Variants in FSIP2 observed in about 807,000 individuals in gnomAD.
The protein encoded by FSIP2 is fibrous sheath interacting protein 2, also known as fibrous sheath-interacting protein 2.
FSIP2 carries 367 observed loss-of-function variants against 510.5 expected under a neutral mutation model. The observed-to-expected ratio is 0.72, with a 90% CI of 0.66 to 0.78. The LOEUF (loss-of-function observed/expected upper bound fraction) is 0.78. FSIP2 is among the 30% of genes least tolerant of loss of function. FSIP2 has a pLI of 0.00. For synonymous variants in FSIP2, 2,601 were observed against 2,732.2 expected (o/e 0.95, Z 1.50); for missense variants, 7,594 against 7,901.7 (o/e 0.96, Z 1.48).
chr2:185,753,327 C>G (rs1692184492), intron 7 of FSIP2, among the ~76,000 whole-genome samples: 1 of 151,430 alleles, frequency 6.6e-6, no homozygotes, highest in Admixed American at 6.6e-5. Flanking sequence ...CAGAAATTCA[C>G]AAAGGGAAGT....
In FSIP2 at chr2:185,790,066, C is replaced by T. The variant is rs1459214314; in HGVS notation, c.2930C>T (p.Thr977Ile). 1.3e-6 allele frequency: 2 copies of T among 1,533,448 alleles called. No homozygotes were observed. Among genetic ancestry groups the T allele is most frequent in the Non-Finnish European group, 1.7e-6 (2 of 1,145,354 alleles). The allele number at this position is 1,533,448 out of a possible 1,614,324, so 95.0% of individuals were successfully genotyped here. A position where few individuals can be genotyped will look rare whatever the true frequency, so the allele number is the denominator to read the frequency against. The change falls in exon 16 of 23, where the codon ACT (threonine) becomes ATT (isoleucine). Residue 977 changes from threonine to isoleucine, a missense_variant. Transcript: ENST00000424728. ...AAAGAAAAGTACAGACTCACTGGCA[C>T]TAGATTATCAAATAGTCCTAGGTCT... is the stretch of plus-strand genomic sequence containing the variant. ...DTKEKYRLTG[T>I]RLSNSPRSGR...
At position 185,813,583 on chromosome 2, in the gene FSIP2, T is replaced by G. The variant is rs543836034; in HGVS notation, c.19866T>G (p.Pro6622=). 3.2e-6 allele frequency: 5 copies of G among 1,553,584 alleles called. No individual in the cohort carries two copies. The South Asian group carries it at 6.1e-5, about 19-fold the overall frequency. The change falls in exon 18 of 23, where the codon CCT becomes CCG. Residue 6622 remains proline, a synonymous_variant. Coordinates refer to ENST00000424728, the MANE Select transcript of FSIP2 (RefSeq NM_173651.4). ...ARNSFQNIRK[P]DITKVELLKD... ...ATTCATTTCAGAATATAAGAAAGCC[T>G]GATATTACAAAGGTGGAGCTCTTAA...
In FSIP2 at chr2:185,791,120, T is replaced by A. The variant is rs1227651006; in HGVS notation, c.3984T>A (p.Leu1328=). ...GGGAGATTGACCATACCAAATCCCT[T>A]ACAGATAAAGGATTTTTTGCTAATA... The part of the protein sequence containing the change: ...NLREIDHTKS[L]TDKGFFANTD... Residue 1328 remains leucine (L), a synonymous_variant, in exon 16 of 23, where the codon CTT becomes CTA. Coordinates refer to ENST00000424728, the MANE Select transcript of FSIP2 (RefSeq NM_173651.4). 8 of 1,532,284 alleles carry A rather than the reference T, an allele frequency of 5.2e-6. No homozygotes were observed. The highest frequency in any genetic ancestry group is 7.0e-6 in the Non-Finnish European group (8 of 1,144,502). The allele number at this position is 1,532,284 out of a possible 1,614,324, so 94.9% of individuals were successfully genotyped here. A position where few individuals can be genotyped will look rare whatever the true frequency, so the allele number is the denominator to read the frequency against.
At chr2:185,787,672 T>G (rs1693021932) in intron 15 of FSIP2, among the ~76,000 whole-genome samples, 1 of 151,766 alleles carries the variant, frequency 6.6e-6, no homozygotes, top group South Asian at 2.1e-4. Context: ...TTTATAGAAT[T>G]CTACAGATGC....
Position 185,805,273 on chromosome 2 carries a change from T to G in FSIP2, c.15967T>G (p.Phe5323Val), listed in dbSNP as rs1444859243. The G allele has an allele frequency of 6.3e-7, 1 of 1,591,528 alleles. No homozygotes were observed. The part of the protein sequence containing the change: ...LKLANSLIRE[F>V]KKSDIKVLPN... Reference sequence around the variant, plus strand: ...ACTTGCAAATTCTCTGATAAGGGAATTTAAGAAAAGTGATATTAAAGTTTT... The same window carrying G: ...ACTTGCAAATTCTCTGATAAGGGAAGTTAAGAAAAGTGATATTAAAGTTTT... The change falls in exon 17 of 23, where the codon TTT becomes GTT. Residue 5323 changes from phenylalanine to valine, a missense_variant. Physicochemically the swap from Phe to Val is conservative, Grantham distance 50. Coordinates refer to ENST00000424728, the MANE Select transcript of FSIP2 (RefSeq NM_173651.4).
chr2:185,759,051 A>G (rs1692298885), intron 9 of FSIP2, among the ~76,000 whole-genome samples: 1 of 151,108 alleles, frequency 6.6e-6, no homozygotes, highest in Admixed American at 6.6e-5. Context: ...CTCTCTGTCT[A>G]GGACCTCCAG....
At position 185,764,486 on chromosome 2, in the gene FSIP2, G is replaced by A; in HGVS notation, c.1348-16G>A. ...TTTTTGTGGATCTATTTGTTTTGCT[G>A]TTGTGAATTATGTAGAAGGAGACAA... On this transcript the variant is annotated splice_polypyrimidine_tract_variant and intron_variant, in intron 12 of 22. Coordinates refer to ENST00000424728, the MANE Select transcript of FSIP2 (RefSeq NM_173651.4). The A allele has an allele frequency of 2.0e-6, 3 of 1,512,400 alleles. No individual in the cohort carries two copies. Among genetic ancestry groups the A allele is most frequent in the African/African-American group, 1.4e-5 (1 of 72,350 alleles). The allele number at this position is 1,512,400 out of a possible 1,614,324, so 93.7% of individuals were successfully genotyped here.
Position 185,797,434 on chromosome 2 carries a change from C to G in FSIP2, c.10298C>G (p.Ala3433Gly), listed in dbSNP as rs1465253594. Residue 3433 changes from alanine (A) to glycine (G), a missense_variant, in exon 16 of 23, where the codon GCT becomes GGT. Ala to Gly is a moderately conservative substitution (Grantham distance 60, BLOSUM62 0). Coordinates refer to ENST00000424728, the MANE Select transcript of FSIP2 (RefSeq NM_173651.4). ...TVKEVEAFTF[A>G]DHEMGSNEVH... ...AAGGAAGTTGAAGCCTTTACTTTTG[C>G]TGATCATGAAATGGGTTCCAATGAA... is the stretch of plus-strand genomic sequence containing the variant. 12 of 1,531,698 alleles carry G rather than the reference C, an allele frequency of 7.8e-6. 1 individual carries two copies. In the Admixed American group the frequency reaches 1.0e-4, roughly 13 times the overall value. 94.9% of individuals were successfully genotyped at this position (1,531,698 alleles called of 1,614,324 possible).
At chr2:185,768,417 C>T in intron 13 of FSIP2, among the ~76,000 whole-genome samples, 1 of 151,828 alleles carries the variant, frequency 6.6e-6, no homozygotes, top group East Asian at 1.9e-4. Context: ...ATCTTTAATT[C>T]ATTTTTTGTT....
At chr2:185,771,763 C>A (rs1400395903) in intron 13 of FSIP2, among the ~76,000 whole-genome samples, 4 of 152,234 alleles carry the variant, frequency 2.6e-5, no homozygotes, top group Non-Finnish European at 5.9e-5. Flanking sequence ...GATTGCTCCA[C>A]AACCTGCTTG....
Position 185,806,337 on chromosome 2 carries a change from T to C in FSIP2, c.17031T>C (p.Val5677=), listed in dbSNP as rs1559035171. Residue 5677 remains valine (V), a synonymous_variant, in exon 17 of 23, where the codon GTT becomes GTC. Coordinates refer to ENST00000424728, the MANE Select transcript of FSIP2 (RefSeq NM_173651.4). ...DEEHHSDYEH[V]QNVIENIFED... ...AACACCACTCAGATTATGAACATGT[T>C]CAAAATGTCATTGAAAATATTTTTG... is the stretch of plus-strand genomic sequence containing the variant. 6.2e-7 allele frequency: 1 copy of C among 1,609,992 alleles called. No homozygotes were observed. The highest frequency in any genetic ancestry group is 1.3e-5 in the African/African-American group (1 of 74,776).
At chr2:185,777,612 G>T (rs1373576546) in intron 13 of FSIP2, among the ~76,000 whole-genome samples, 1 of 151,960 alleles carries the variant, frequency 6.6e-6, no homozygotes, top group African/African-American at 2.4e-5. Flanking sequence ...CCTTATTAGT[G>T]GTGAATTTTG....
chr2:185,756,681 T>C (rs981681469), intron 9 of FSIP2, among the ~76,000 whole-genome samples: 1 of 151,400 alleles, frequency 6.6e-6, no homozygotes, highest in African/African-American at 2.4e-5. Flanking sequence ...TTTATTATCT[T>C]TTAACTTATG....
At chr2:185,819,048 T>C (rs1309410779) in intron 19 of FSIP2, among the ~76,000 whole-genome samples, 2 of 151,910 alleles carry the variant, frequency 1.3e-5, no homozygotes, top group Admixed American at 6.6e-5. Context: ...TAAAAAGATA[T>C]AATTTTGGAA....
At position 185,792,949 on chromosome 2, in the gene FSIP2, C is replaced by A; in HGVS notation, c.5813C>A (p.Ser1938Tyr). ...LETFATSKVKSLFYSQVNFTV... is the reference protein window; with the variant it reads ...LETFATSKVKYLFYSQVNFTV... ...ACTTTTGCTACTTCCAAAGTAAAAT[C>A]TCTCTTTTATTCTCAAGTCAACTTT... The change falls in exon 16 of 23, where the codon TCT becomes TAT. Residue 1938 changes from serine (S) to tyrosine (Y), a missense_variant. Transcript: ENST00000424728. 4.6e-6 allele frequency: 7 copies of A among 1,534,168 alleles called. No homozygotes were observed. Among genetic ancestry groups the A allele is most frequent in the Non-Finnish European group, 6.1e-6 (7 of 1,145,602 alleles).
At chr2:185,777,279 A>G (rs1692746041) in intron 13 of FSIP2, among the ~76,000 whole-genome samples, 1 of 152,148 alleles carries the variant, frequency 6.6e-6, no homozygotes, top group South Asian at 2.1e-4. Context: ...ATTTACTAAT[A>G]TATTAATCCT....
Position 185,813,617 on chromosome 2 carries a change from C to T in FSIP2, c.19900C>T (p.Gln6634Ter), listed in dbSNP as rs1266448054. ...ITKVELLKDV[Q>*]SKNDLIVRLV... ...AAAGGTGGAGCTCTTAAAAGATGTT[C>T]AAAGTAAAAATGATCTTATTGTTCG... Residue 6634 changes from glutamine to a stop codon, truncating the protein, a stop_gained, in exon 18 of 23, where the codon CAA (glutamine) becomes TAA (stop). Transcript: ENST00000424728. LOFTEE classifies it high-confidence loss of function. 1.3e-6 allele frequency: 2 copies of T among 1,584,722 alleles called. No homozygotes were observed. Among genetic ancestry groups the T allele is most frequent in the Non-Finnish European group, 1.7e-6 (2 of 1,165,394 alleles).
In FSIP2 at chr2:185,802,713, A is replaced by T. The variant is rs753288632; in HGVS notation, c.13407A>T (p.Leu4469Phe). Reference protein sequence around the residue: ...LYNTLLPYTFLEDMIRVLLSK... With the variant: ...LYNTLLPYTFFEDMIRVLLSK... ...ACACCTTGCTGCCATACACATTTTTAGAAGATATGATCAGAGTACTATTAT... is the reference window on the plus strand; with the variant it reads ...ACACCTTGCTGCCATACACATTTTTTGAAGATATGATCAGAGTACTATTAT... Residue 4469 changes from leucine (L) to phenylalanine (F), a missense_variant, in exon 17 of 23, where the codon TTA (leucine) becomes TTT (phenylalanine). Leu to Phe is a conservative substitution (Grantham distance 22). Transcript: ENST00000424728. 3.6e-4 allele frequency: 545 copies of T among 1,524,566 alleles called. No homozygotes were observed. Among genetic ancestry groups the T allele is most frequent in the Non-Finnish European group, 4.6e-4 (525 of 1,142,366 alleles). The allele number at this position is 1,524,566 out of a possible 1,614,324, so 94.4% of individuals were successfully genotyped here.
In FSIP2 at chr2:185,784,016, A is replaced by G. The variant is rs139601771; in HGVS notation, c.1469+1254A>G. On this transcript the variant is annotated intron_variant, in intron 14 of 22. Coordinates refer to ENST00000424728, the MANE Select transcript of FSIP2 (RefSeq NM_173651.4). ...AGATCCAAATAAAGAGCAAAGACAC[A>G]TATGTCACATTCCTCTTGCTCAGGT... The G allele has an allele frequency of 5.3e-5, 8 of 152,314 alleles. No homozygotes were observed. The East Asian group carries it at 1.5e-3, about 29-fold the overall frequency. The allele number at this position is 152,314 out of a possible 1,614,324, so 9.4% of individuals were successfully genotyped here. A position where few individuals can be genotyped will look rare whatever the true frequency, so the allele number is the denominator to read the frequency against.
Sources: allele counts gnomAD v4.1 joint callset (sites outside exome capture counted in the v4.1 genomes callset), GRCh38; gene constraint gnomAD v4.1.1; transcripts MANE v1.5; gene names NCBI Gene and HGNC (gene_info 2026-07-23, HGNC 2026-07-21).